ZHX2: variants seen among roughly 807,000 people sequenced by gnomAD.
ZHX2 encodes zinc fingers and homeoboxes protein 2.
ZHX2 carries 6 observed loss-of-function variants against 21.9 expected under a neutral mutation model. The ratio of observed to expected loss-of-function variants is 0.27; its 90% CI spans 0.15 to 0.54. The LOEUF is 0.54. Among genes scored for constraint, ZHX2 ranks in the 20% least tolerant of loss-of-function variants. The pLI, the probability that ZHX2 is intolerant of heterozygous loss-of-function variation, is 0.95. For missense variants in ZHX2, 908 were observed against 1,090.7 expected, an observed-to-expected ratio of 0.83 and a Z score of 2.36; for synonymous variants, 434 against 437.1, an observed-to-expected ratio of 0.99 and a Z score of 0.09.
intron 2 of ZHX2, among the ~76,000 whole-genome samples, chr8:122,882,865 C>A (rs753981342): frequency 1.3e-5 from 2 of 152,020 alleles, no homozygotes; most frequent in African/African-American, 4.8e-5. Context: ...ACCTGTAATC[C>A]CAGCTACTCA....
intron 1 of ZHX2, among the ~76,000 whole-genome samples, chr8:122,800,304 A>G (rs577076710): frequency 6.6e-6 from 1 of 152,232 alleles, no homozygotes; most frequent in East Asian, 1.9e-4. Context: ...CCCGCATCCC[A>G]TCCTGCCCTC....
chr8:122,923,834 G>C (rs1469357494), intron 2 of ZHX2, among the ~76,000 whole-genome samples: 5 of 152,196 alleles, frequency 3.3e-5, no homozygotes, highest in African/African-American at 1.2e-4. Flanking sequence ...AATTATAAAT[G>C]CTCCATGGGT....
intron 2 of ZHX2, among the ~76,000 whole-genome samples, chr8:122,907,497 T>C (rs1820377279): frequency 6.6e-6 from 1 of 152,196 alleles, no homozygotes; most frequent in South Asian, 2.1e-4. Context: ...TTGAATAGAA[T>C]GGGAGGCAGG....
intron 2 of ZHX2, among the ~76,000 whole-genome samples, chr8:122,889,454 C>T (rs575080857): frequency 3.7e-4 from 57 of 152,246 alleles, no homozygotes; most frequent in African/African-American, 1.2e-3. Flanking sequence ...ATTATGGTTT[C>T]GATTTGCATT....
chr8:122,934,023 C>A (rs2130162222), intron 2 of ZHX2, among the ~76,000 whole-genome samples: 1 of 152,282 alleles, frequency 6.6e-6, no homozygotes, highest in South Asian at 2.1e-4. Context: ...AATTAATCAT[C>A]TATTGGGGCT....
chr8:122,879,334 G>A lies in ZHX2; in HGVS notation c.-220+15795G>A, dbSNP rs142904926. 1.5e-3 allele frequency among the ~76,000 whole-genome samples: 223 copies of A among 152,192 alleles called. 1 individual carries two copies. The highest frequency in any genetic ancestry group is 5.1e-3 in the African/African-American group (211 of 41,530). On this transcript the variant is annotated intron_variant, in intron 2 of 3. Coordinates refer to ENST00000314393, the MANE Select transcript of ZHX2 (RefSeq NM_014943.5). The stretch of plus-strand genomic sequence containing the variant: ...CGATTCTCCTGCCTCAGCCTCCCGA[G>A]TAGCTAGGATAACAGACACATGCCA...
chr8:122,888,406 C>T (rs980768143), intron 2 of ZHX2, among the ~76,000 whole-genome samples: 2 of 152,036 alleles, frequency 1.3e-5, no homozygotes, highest in African/African-American at 4.8e-5. Flanking sequence ...CATTTCTTTC[C>T]GTTAGGAAGA....
chr8:122,809,899 A>G (rs1047316647), intron 1 of ZHX2, among the ~76,000 whole-genome samples: 5 of 152,148 alleles, frequency 3.3e-5, no homozygotes, highest in African/African-American at 1.2e-4. Context: ...AGAGGTCTCT[A>G]TGAGTTTTCA....
intron 1 of ZHX2, among the ~76,000 whole-genome samples, chr8:122,848,352 C>T (rs1205055477): frequency 2.0e-5 from 3 of 152,190 alleles, no homozygotes; most frequent in African/African-American, 4.8e-5. Context: ...TCAGCCACAA[C>T]GCTCATTCCT....
At chr8:122,871,679 A>G (rs1819441218) in intron 2 of ZHX2, among the ~76,000 whole-genome samples, 1 of 147,118 alleles carries the variant, frequency 6.8e-6, no homozygotes, top group Non-Finnish European at 1.5e-5. Context: ...AAGTATATAT[A>G]TATATATATA....
intron 3 of ZHX2, among the ~76,000 whole-genome samples, chr8:122,971,048 T>C (rs4870837): frequency 0.15 from 22,650 of 152,252 alleles, 1,952 homozygotes; most frequent in East Asian, 0.46. Context: ...TTACCTAATG[T>C]TAAGCACAAC....
chr8:122,804,357 C>T (rs1009650254), intron 1 of ZHX2, among the ~76,000 whole-genome samples: 1 of 152,208 alleles, frequency 6.6e-6, no homozygotes, highest in Non-Finnish European at 1.5e-5. Flanking sequence ...GATCCACCCA[C>T]CTCGGCATCC....
At chr8:122,850,483 CAA>C (rs991935999) in intron 1 of ZHX2, among the ~76,000 whole-genome samples, 1 of 151,840 alleles carries the variant, frequency 6.6e-6, no homozygotes, top group Non-Finnish European at 1.5e-5. Context: ...ATGAAAAGTA[CAA>C]AAAAATTAGC....
intron 2 of ZHX2, among the ~76,000 whole-genome samples, chr8:122,890,976 A>G (rs1819960792): frequency 6.6e-6 from 1 of 152,004 alleles, no homozygotes; most frequent in African/African-American, 2.4e-5. Context: ...TTTTGCATCC[A>G]TGTTCACCAG....
intron 1 of ZHX2, among the ~76,000 whole-genome samples, chr8:122,833,387 C>T (rs1332185692): frequency 1.3e-5 from 2 of 152,080 alleles, no homozygotes; most frequent in African/African-American, 4.8e-5. Context: ...CCTATGAGAG[C>T]TGCTGAGGAA....
At chr8:122,970,004 G>T (rs1813679285) in intron 3 of ZHX2, among the ~76,000 whole-genome samples, 1 of 152,192 alleles carries the variant, frequency 6.6e-6, no homozygotes, top group Non-Finnish European at 1.5e-5. Context: ...GGGAGGGTGG[G>T]AGGCAGTGGG....
At chr8:122,934,655 T>C (rs1352650690) in intron 2 of ZHX2, among the ~76,000 whole-genome samples, 19 of 15,292 alleles carry the variant, frequency 1.2e-3, no homozygotes, top group African/African-American at 8.4e-3. Flanking sequence ...TCCTTCTTTA[T>C]TACCTTCCTT....
In ZHX2 at chr8:122,782,671, C is replaced by A. The variant is rs892151936; in HGVS notation, c.-283+725C>A. 5.3e-5 allele frequency among the ~76,000 whole-genome samples: 8 copies of A among 152,060 alleles called. No homozygotes were observed. The highest frequency in any genetic ancestry group is 1.9e-4 in the African/African-American group (8 of 41,446). On this transcript the variant is annotated intron_variant, in intron 1 of 3. Transcript: ENST00000314393. This position sits in a 1 kb window ranked among gnomAD's most constrained non-coding sequence, Gnocchi z 5.3. ...CGGCAGCCGAGCTACCTGGCGGGGG[C>A]AGGGCCGGAGCGCGGCGCTGTCCTC...
chr8:122,785,394 C>G (rs1287531932), intron 1 of ZHX2, among the ~76,000 whole-genome samples: 1 of 152,172 alleles, frequency 6.6e-6, no homozygotes, highest in African/African-American at 2.4e-5. Context: ...AGAGTGGAGG[C>G]CTTTGGCCTT....
Sources: gnomAD v4.1 joint callset for allele counts (sites outside exome capture counted in the v4.1 genomes callset) on GRCh38, gnomAD v4.1.1 for gene constraint, Gnocchi (gnomAD v3.1) non-coding constraint, MANE v1.5 for transcripts, NCBI Gene and HGNC (gene_info 2026-07-23, HGNC 2026-07-21) for gene names.